Variants in CHM observed in about 807,000 individuals in gnomAD.
The protein encoded by CHM is rab proteins geranylgeranyltransferase component A 1.
In CHM, 10 loss-of-function variants were observed where a neutral mutation model predicts 49.0. The ratio of observed to expected loss-of-function variants is 0.20; its 90% CI spans 0.13 to 0.35. The LOEUF is 0.35. Among genes scored for constraint, CHM ranks in the 10% least tolerant of loss-of-function variants. The pLI is 1.00. For synonymous variants in CHM, 184 were observed against 167.5 expected, an observed-to-expected ratio of 1.10 and a Z score of -0.76; for missense variants, 455 against 478.4, an observed-to-expected ratio of 0.95 and a Z score of 0.46.
At chrX:86,007,510 A>G (rs1932887379) in intron 2 of CHM, among the ~76,000 whole-genome samples, 2 of 111,987 alleles carry the variant, frequency 1.8e-5, no homozygotes, top group South Asian at 7.5e-4. Context: ...CAATCTACCC[A>G]TCTGACAAAG....
At chrX:86,001,839 A>G (rs1265306333) in intron 2 of CHM, among the ~76,000 whole-genome samples, 5 of 111,100 alleles carry the variant, frequency 4.5e-5, no homozygotes, top group African/African-American at 1.6e-4. Context: ...TTCAAAAAAA[A>G]AAGTTGTTGT....
intron 2 of CHM, among the ~76,000 whole-genome samples, chrX:85,992,319 C>T (rs1470995174): frequency 9.0e-6 from 1 of 111,415 alleles, no homozygotes; most frequent in African/African-American, 3.3e-5. Flanking sequence ...AATTTTATTG[C>T]TTATCTCACA....
chrX:86,043,409 CTTT>C (rs374685830), intron 1 of CHM, among the ~76,000 whole-genome samples: 1 of 100,950 alleles, frequency 9.9e-6, no homozygotes. Context: ...AGCAATAAAA[CTTT>C]TTTTTTTTTT....
At chrX:85,936,830 T>G in intron 8 of CHM, among the ~76,000 whole-genome samples, 1 of 112,150 alleles carries the variant, frequency 8.9e-6, no homozygotes. Context: ...TGTTTTTGTT[T>G]TGTGTTATAC....
intron 8 of CHM, among the ~76,000 whole-genome samples, chrX:85,931,132 T>C (rs1238642885): frequency 9.0e-6 from 1 of 111,553 alleles, no homozygotes; most frequent in Non-Finnish European, 1.9e-5. Flanking sequence ...AAGGTAATTC[T>C]GATAAAAATA....
At chrX:85,985,280 G>A (rs924145044) in intron 2 of CHM, among the ~76,000 whole-genome samples, 1 of 112,145 alleles carries the variant, frequency 8.9e-6, no homozygotes, top group African/African-American at 3.2e-5. Flanking sequence ...CCAGCACAGC[G>A]GCTCTACAAA....
intron 1 of CHM, among the ~76,000 whole-genome samples, chrX:86,034,879 T>G (rs1448423139): frequency 8.9e-6 from 1 of 111,950 alleles, no homozygotes; most frequent in African/African-American, 3.2e-5. Context: ...ACCCCAAAAG[T>G]GCTATCAGGC....
intron 2 of CHM, among the ~76,000 whole-genome samples, chrX:86,011,913 C>A (rs764372179): frequency 1.8e-5 from 2 of 111,609 alleles, no homozygotes; most frequent in African/African-American, 6.5e-5. Flanking sequence ...ACCGATTTTC[C>A]CCTGGAACCT....
rs763798214 is a variant in CHM at position 85,958,867 on chromosome X, C to G, written c.813G>C (p.Val271=). 2.1e-5 allele frequency: 26 copies of G among 1,209,563 alleles called. No individual in the cohort carries two copies. The Admixed American group carries it at 5.7e-4, about 26-fold the overall frequency. The change falls in exon 6 of 15, where the codon GTG becomes GTC. Residue 271 remains valine, a synonymous_variant. Coordinates refer to ENST00000357749, the MANE Select transcript of CHM (RefSeq NM_000390.4). Reference sequence around the variant, plus strand: ...TTCTTGATCAGCACAGTACCTGTTCCACTCGTCCTTCTCGAAATGCAAGAA... The same window carrying G: ...TTCTTGATCAGCACAGTACCTGTTCGACTCGTCCTTCTCGAAATGCAAGAA... ...TRILAFREGR[V]EQVPCSRADV... is the part of the protein sequence containing the mutation.
intron 2 of CHM, among the ~76,000 whole-genome samples, chrX:86,006,714 A>T (rs184967788): frequency 1.6e-3 from 179 of 111,651 alleles, no homozygotes; most frequent in Non-Finnish European, 2.3e-3. Context: ...GATGTGAAAG[A>T]CCTCTTCAAA....
intron 8 of CHM, among the ~76,000 whole-genome samples, chrX:85,941,875 A>G (rs1247655341): frequency 8.9e-6 from 1 of 111,799 alleles, no homozygotes; most frequent in Non-Finnish European, 1.9e-5. Context: ...GCAATGGTTA[A>G]AAACAATCAC....
chrX:85,920,254 C>A (rs1223033487), intron 8 of CHM, among the ~76,000 whole-genome samples: 1 of 110,018 alleles, frequency 9.1e-6, no homozygotes, highest in Non-Finnish European at 1.9e-5. Context: ...CACCACCACA[C>A]CCAGCTAATT....
chrX:85,893,209 A>C (rs1925592631), intron 12 of CHM, among the ~76,000 whole-genome samples: 2 of 111,798 alleles, frequency 1.8e-5, no homozygotes, highest in Admixed American at 1.9e-4. Context: ...TTCTGCTTCT[A>C]ATACTTATAG....
chrX:85,926,053 C>T (rs1390072040), intron 8 of CHM, among the ~76,000 whole-genome samples: 1 of 110,508 alleles, frequency 9.0e-6, no homozygotes, highest in Admixed American at 9.7e-5. Flanking sequence ...CTCTCAGCAT[C>T]AACAATAAAC....
intron 11 of CHM, among the ~76,000 whole-genome samples, chrX:85,895,330 A>G (rs10218184): frequency 0.25 from 26,157 of 106,300 alleles, 2,562 homozygotes; most frequent in African/African-American, 0.29. Flanking sequence ...TTTTTGTAGA[A>G]ATGGGGCTTC....
At chrX:85,899,809 T>G (rs1295313235) in intron 11 of CHM, among the ~76,000 whole-genome samples, 2 of 108,879 alleles carry the variant, frequency 1.8e-5, no homozygotes. Context: ...TTATACATAT[T>G]ACCATGTAGA....
At position 85,917,843 on chromosome X, in the gene CHM, G is replaced by A. The variant is rs377518369; in HGVS notation, c.1167-6505C>T. 1.6e-4 allele frequency among the ~76,000 whole-genome samples: 17 copies of A among 109,100 alleles called. No individual in the cohort carries two copies. In the East Asian group the frequency reaches 3.4e-3, roughly 22 times the overall value. The allele number at this position is 109,100 out of a possible 115,157, so 94.7% of individuals were successfully genotyped here. A position where few individuals can be genotyped will look rare whatever the true frequency, so the allele number is the denominator to read the frequency against. On this transcript the variant is annotated intron_variant, in intron 8 of 14. Transcript: ENST00000357749. ...CTCAGAATTTGAGGAGTGATGCTTC[G>A]AATCAACACAGACAAAATTTTTTAA...
chrX:86,044,253 C>A (rs1934578999), intron 1 of CHM, among the ~76,000 whole-genome samples: 1 of 111,601 alleles, frequency 9.0e-6, no homozygotes, highest in Non-Finnish European at 1.9e-5. Context: ...TGTTATCAGG[C>A]CTTTGTGATG....
At chrX:85,874,254 T>C (rs1924282549) in intron 13 of CHM, among the ~76,000 whole-genome samples, 1 of 111,871 alleles carries the variant, frequency 8.9e-6, no homozygotes, top group Admixed American at 9.5e-5. Context: ...TTTAAAACTG[T>C]TATAATTAAA....
Sources: allele counts gnomAD v4.1 joint callset (sites outside exome capture counted in the v4.1 genomes callset), GRCh38; gene constraint gnomAD v4.1.1; transcripts MANE v1.5; gene names NCBI Gene and HGNC (gene_info 2026-07-23, HGNC 2026-07-21).